Variants in ZNF732 observed in about 807,000 individuals in gnomAD.
The protein encoded by ZNF732 is zinc finger protein 732, also known as zinc finger protein LOC654254.
ZNF732 carries 12 observed loss-of-function variants against 11.5 expected under a neutral mutation model. The ratio of observed to expected loss-of-function variants is 1.05; its 90% CI spans 0.67 to 1.70. The LOEUF (loss-of-function observed/expected upper bound fraction) is 1.70, where lower values mean the gene tolerates loss of function less well. ZNF732 is among the 40% of genes most tolerant of loss of function. The pLI, the probability that ZNF732 is intolerant of heterozygous loss-of-function variation, is 0.00. For synonymous variants in ZNF732, 231 were observed against 236.5 expected, an observed-to-expected ratio of 0.98 and a Z score of 0.21; for missense variants, 702 against 676.9, an observed-to-expected ratio of 1.04 and a Z score of -0.41.
intron 3 of ZNF732, among the ~76,000 whole-genome samples, chr4:288,830 G>A (rs1256070491): frequency 1.3e-5 from 2 of 152,178 alleles, no homozygotes; most frequent in Non-Finnish European, 2.9e-5. Flanking sequence ...GAAGTGGGCT[G>A]ATCATGAGGT....
At chr4:290,373 T>C (rs966637081) in intron 3 of ZNF732, among the ~76,000 whole-genome samples, 4 of 152,230 alleles carry the variant, frequency 2.6e-5, no homozygotes, top group African/African-American at 9.6e-5. Flanking sequence ...TCAGCTATAG[T>C]CCAGAAGTGG....
chr4:289,833 C>T (rs1271260089), intron 3 of ZNF732, among the ~76,000 whole-genome samples: 2 of 152,180 alleles, frequency 1.3e-5, no homozygotes, highest in East Asian at 3.8e-4. Context: ...CCTACGATCC[C>T]ATCACCTCCC....
At chr4:282,447 T>C (rs1719637226) in intron 3 of ZNF732, among the ~76,000 whole-genome samples, 1 of 152,112 alleles carries the variant, frequency 6.6e-6, no homozygotes, top group Non-Finnish European at 1.5e-5. Context: ...CCTATAAACC[T>C]AGCACTCTGG....
chr4:298,075 T>C (rs1719997556), intron 1 of ZNF732, among the ~76,000 whole-genome samples: 2 of 152,244 alleles, frequency 1.3e-5, no homozygotes, highest in African/African-American at 4.8e-5. Flanking sequence ...AAATCCCTTA[T>C]GTTTCTCTAG....
chr4:286,222 G>A (rs1719725722), intron 3 of ZNF732, among the ~76,000 whole-genome samples: 1 of 152,180 alleles, frequency 6.6e-6, no homozygotes, highest in Non-Finnish European at 1.5e-5. Flanking sequence ...AGAAACATCA[G>A]AAGCATCATA....
At chr4:293,185 T>C (rs1553841615) in intron 3 of ZNF732, among the ~76,000 whole-genome samples, 1 of 142,714 alleles carries the variant, frequency 7.0e-6, no homozygotes, top group East Asian at 2.0e-4. Flanking sequence ...CTTGAAGAAA[T>C]ATCTTCAGCC....
chr4:281,901 TTA>T (rs1360525537), intron 3 of ZNF732, among the ~76,000 whole-genome samples: 5 of 152,168 alleles, frequency 3.3e-5, no homozygotes, highest in African/African-American at 9.7e-5. Context: ...TTTAAAATAA[TTA>T]TCTTTAAAAA....
chr4:286,988 T>C (rs967188380), intron 3 of ZNF732, among the ~76,000 whole-genome samples: 3 of 151,938 alleles, frequency 2.0e-5, no homozygotes, highest in Admixed American at 1.3e-4. Context: ...CCGTCTCTAC[T>C]AAAAATATGA....
At chr4:273,043 T>C (rs1719422528) in intron 3 of ZNF732, among the ~76,000 whole-genome samples, 1 of 152,050 alleles carries the variant, frequency 6.6e-6, no homozygotes. Context: ...CAAAAACTGG[T>C]TTCTGCCTCC....
At chr4:304,116 C>A (rs1485317273) in intron 1 of ZNF732, among the ~76,000 whole-genome samples, 1 of 152,042 alleles carries the variant, frequency 6.6e-6, no homozygotes, top group Non-Finnish European at 1.5e-5. Flanking sequence ...GTGTTATTGG[C>A]AGAATACCCT....
intron 3 of ZNF732, among the ~76,000 whole-genome samples, chr4:273,189 T>G (rs1719424589): frequency 6.6e-6 from 1 of 151,984 alleles, no homozygotes; most frequent in South Asian, 2.1e-4. Flanking sequence ...TAAAGACTCT[T>G]AAGAGGAAAC....
In ZNF732 at chr4:299,431, A is replaced by ATG. The variant is rs1432889054; in HGVS notation, c.4-3278_4-3277dup. Reference sequence around the variant, plus strand: ...TATATATATACACATATATACACATATGTGTATATATATATATATACACAT... The same window carrying ATG: ...TATATATATACACATATATACACATATGTGTGTATATATATATATATACACAT... On this transcript the variant is annotated intron_variant, in intron 1 of 3. Coordinates refer to ENST00000419098, the MANE Select transcript of ZNF732 (RefSeq NM_001137608.3). Among the ~76,000 whole-genome samples, 50 of 65,732 alleles carry ATG rather than the reference A, an allele frequency of 7.6e-4. 7 individuals are homozygous for ATG. The highest frequency in any genetic ancestry group is 1.1e-3 in the African/African-American group (15 of 14,028). The allele number at this position is 65,732 out of a possible 152,430, so 43.1% of individuals were successfully genotyped here.
chr4:299,454 C>CATATATACACAT (rs1415511353), intron 1 of ZNF732, among the ~76,000 whole-genome samples: 1 of 55,378 alleles, frequency 1.8e-5, no homozygotes, highest in East Asian at 5.4e-4. Context: ...TATATATACA[C>CATATATACACAT]ATATGTGTAT....
chr4:277,611 A>G (rs1719524442), intron 3 of ZNF732, among the ~76,000 whole-genome samples: 1 of 151,796 alleles, frequency 6.6e-6, no homozygotes, highest in Non-Finnish European at 1.5e-5. Flanking sequence ...ACAAAAAAAA[A>G]TGTTAGTGAG....
At position 272,569 on chromosome 4, in the gene ZNF732, G is replaced by A. The variant is rs1719411960; in HGVS notation, c.288C>T (p.His96=). The change falls in exon 4 of 4, where the codon CAC becomes CAT. Residue 96 remains histidine (H), a synonymous_variant. Transcript: ENST00000419098. ...LPVQGIEDSF[H]KLILRRYEKC... Reference sequence around the variant, plus strand: ...TCTCATATCTTCTTAATATAAGTTTGTGGAACGAATCTTCTATCCCCTGCA... The same window carrying A: ...TCTCATATCTTCTTAATATAAGTTTATGGAACGAATCTTCTATCCCCTGCA... The A allele has an allele frequency of 6.3e-7, 1 of 1,591,028 alleles. No individual in the cohort carries two copies. The highest frequency in any genetic ancestry group is 8.5e-7 in the Non-Finnish European group (1 of 1,170,624).
chr4:280,849 C>A (rs1269100615), intron 3 of ZNF732, among the ~76,000 whole-genome samples: 2 of 152,142 alleles, frequency 1.3e-5, no homozygotes, highest in African/African-American at 4.8e-5. Context: ...ATGTTCTATG[C>A]CTCAGGTGAA....
intron 3 of ZNF732, among the ~76,000 whole-genome samples, chr4:273,879 A>C (rs1257430923): frequency 6.6e-6 from 1 of 151,784 alleles, no homozygotes; most frequent in Admixed American, 6.6e-5. Context: ...AAAAAAAAAA[A>C]AAACTTCTAT....
chr4:272,718 A>G (rs1319071467), intron 3 of ZNF732, 88 bp from the exon 4 acceptor site: 13 of 1,225,892 alleles, frequency 1.1e-5, no homozygotes, highest in Admixed American at 3.2e-5. Flanking sequence ...TACAAAGTAC[A>G]TTAGTAAGAT....
In ZNF732 at chr4:294,146, G is replaced by GC. The variant is rs1170062880; in HGVS notation, c.226+1291dup. Among the ~76,000 whole-genome samples, 4 of 152,044 alleles carry GC rather than the reference G, an allele frequency of 2.6e-5. No individual in the cohort carries two copies. The East Asian group carries it at 7.7e-4, about 29-fold the overall frequency. On this transcript the variant is annotated intron_variant, in intron 3 of 3. Transcript: ENST00000419098. ...CCTCCCAAGTAGCTGGATTACAGGC[G>GC]CCCCCCACCATGCCCAGCTAACTTT...
Sources: allele counts gnomAD v4.1 joint callset (sites outside exome capture counted in the v4.1 genomes callset), GRCh38; gene constraint gnomAD v4.1.1; transcripts MANE v1.5; gene names NCBI Gene and HGNC (gene_info 2026-07-23, HGNC 2026-07-21).